The following SEC14L5 variants were observed in gnomAD, a reference collection of about 807,000 sequenced individuals.
SEC14L5 encodes SEC14 like lipid binding 5, also known as SEC14-like protein 5.
A neutral mutation model predicts 84.6 loss-of-function variants in SEC14L5; 96 were observed. The ratio of observed to expected loss-of-function variants is 1.13; its 90% CI spans 0.96 to 1.34. The LOEUF is 1.34. Ranked by LOEUF, SEC14L5 falls within the 40% of genes most tolerant of loss-of-function variation. The pLI is 0.00. For missense variants in SEC14L5, 1,224 were observed against 942.5 expected (o/e 1.30, Z -3.91); for synonymous variants, 546 against 383.4 (o/e 1.42, Z -4.95).
chr16:5,001,032 A>T, intron 10 of SEC14L5, 107 bp downstream of exon 10: 1 of 857,412 alleles, frequency 1.2e-6, no homozygotes, highest in Non-Finnish European at 1.9e-6. Flanking sequence ...CAGGGGCTTC[A>T]TTCTCCCCCA....
intron 2 of SEC14L5, among the ~76,000 whole-genome samples, chr16:4,961,057 GT>G (rs1164783058): frequency 6.6e-6 from 1 of 152,114 alleles, no homozygotes; most frequent in Non-Finnish European, 1.5e-5. Context: ...GGATCACAAG[GT>G]CAGGAGATCA....
At position 4,996,933 on chromosome 16, in the gene SEC14L5, C is replaced by G; in HGVS notation, c.859C>G (p.Gln287Glu). The G allele has an allele frequency of 6.2e-7, 1 of 1,613,724 alleles. No homozygotes were observed. The highest frequency in any genetic ancestry group is 8.5e-7 in the Non-Finnish European group (1 of 1,179,762). Residue 287 changes from glutamine (Q) to glutamate (E), a missense_variant, in exon 8 of 16, where the codon CAG becomes GAG. Physicochemically the swap from Gln to Glu is conservative, Grantham distance 29. Transcript: ENST00000251170. ...GGACAAGGCCCGGGAAATGCTGCGC[C>G]AGTCCTTGAGCTGGCGCAAGCAGCA... ...HLDKAREMLR[Q>E]SLSWRKQHQV...
chr16:5,005,556 A>G (rs1955720963), intron 11 of SEC14L5, among the ~76,000 whole-genome samples: 1 of 148,568 alleles, frequency 6.7e-6, no homozygotes, highest in South Asian at 2.4e-4. Flanking sequence ...TATAAATTAT[A>G]TCTCAATAAA....
intron 2 of SEC14L5, among the ~76,000 whole-genome samples, chr16:4,964,205 G>T (rs1568100473): frequency 1.3e-5 from 2 of 152,146 alleles, no homozygotes; most frequent in Non-Finnish European, 1.5e-5. Flanking sequence ...AAGGCCATGT[G>T]GCTCAGGTCG....
chr16:4,982,909 A>G (rs2908645), intron 2 of SEC14L5, among the ~76,000 whole-genome samples: 78,364 of 151,938 alleles, frequency 0.52, 20,499 homozygotes, highest in East Asian at 0.73. Context: ...GAAGCACATT[A>G]CTGAATATTT....
intron 14 of SEC14L5, among the ~76,000 whole-genome samples, chr16:5,010,188 CAAAAAAAAAAAAAAA>C (rs59942135): frequency 9.2e-5 from 4 of 43,646 alleles, no homozygotes; most frequent in African/African-American, 2.6e-4. Context: ...ACTAAAAATA[CAAAAAAAAAAAAAAA>C]AAAAAAAAAA....
At position 4,996,364 on chromosome 16, in the gene SEC14L5, G is replaced by T; in HGVS notation, c.684G>T (p.Ala228=). ...AVSMDGDKLD[A]DYIERCLGHL... ...TCCTCCAAGGGGACAAGCTGGATGC[G>T]GACTACATTGAGAGGTGCCTGGGCC... The change falls in exon 7 of 16, where the codon GCG becomes GCT. Residue 228 remains alanine (A), a synonymous_variant. Coordinates refer to ENST00000251170, the MANE Select transcript of SEC14L5 (RefSeq NM_014692.2). 1 of 1,559,066 alleles carries T rather than the reference G, an allele frequency of 6.4e-7. No individual in the cohort carries two copies.
At chr16:4,991,231 C>T (rs994513405) in intron 5 of SEC14L5, among the ~76,000 whole-genome samples, 2 of 147,084 alleles carry the variant, frequency 1.4e-5, no homozygotes, top group African/African-American at 2.5e-5. Flanking sequence ...CAGATCCATC[C>T]CTGAGTAAAA....
At chr16:4,988,642 G>T (rs1341606100) in intron 4 of SEC14L5, among the ~76,000 whole-genome samples, 1 of 151,922 alleles carries the variant, frequency 6.6e-6, no homozygotes, top group Non-Finnish European at 1.5e-5. Context: ...TTATGCCTCA[G>T]TTTCCTCACG....
intron 2 of SEC14L5, among the ~76,000 whole-genome samples, chr16:4,963,732 C>T (rs1034310777): frequency 3.9e-5 from 6 of 152,224 alleles, no homozygotes; most frequent in Non-Finnish European, 5.9e-5. Context: ...TGGCTCACTG[C>T]AGCCTTGAAC....
intron 2 of SEC14L5, among the ~76,000 whole-genome samples, chr16:4,974,683 T>C (rs1340311245): frequency 6.6e-6 from 1 of 152,146 alleles, no homozygotes; most frequent in African/African-American, 2.4e-5. Context: ...CAGTGTACAC[T>C]GTACCCAATG....
At chr16:5,003,720 C>A (rs1225801361) in intron 11 of SEC14L5, 147 bp downstream of exon 11, 1 of 606,694 alleles carries the variant, frequency 1.6e-6, no homozygotes. Context: ...AAAGCTCACA[C>A]TTTTTAAGTA....
chr16:5,011,583 C>T (rs575696908), intron 15 of SEC14L5, among the ~76,000 whole-genome samples: 1 of 152,264 alleles, frequency 6.6e-6, no homozygotes, highest in Non-Finnish European at 1.5e-5. Flanking sequence ...GTGGGCTTCC[C>T]CTCACTCCTA....
Position 5,015,221 on chromosome 16 carries a change from A to T in SEC14L5, c.*251A>T. On this transcript the variant is annotated 3_prime_UTR_variant, in exon 16 of 16. Transcript: ENST00000251170. The stretch of plus-strand genomic sequence containing the variant: ...GTGTAAGGAAGACCAAGCCAAGGCC[A>T]AGGTGTCTACCATACCACACCTTTG... 1.9e-6 allele frequency: 1 copy of T among 521,986 alleles called. No homozygotes were observed. The highest frequency in any genetic ancestry group is 3.4e-6 in the Non-Finnish European group (1 of 293,000). The allele number at this position is 521,986 out of a possible 1,614,324, so 32.3% of individuals were successfully genotyped here.
In SEC14L5 at chr16:5,008,458, C is replaced by G. The variant is rs1368865675; in HGVS notation, c.1610C>G (p.Thr537Ser). The part of the protein sequence containing the change: ...VEILEGESVI[T>S]WDFDILRGDV... Reference sequence around the variant, plus strand: ...ATCCTGGAAGGAGAGTCGGTCATCACCTGGGACTTTGACATCCTGCGAGGG... The same window carrying G: ...ATCCTGGAAGGAGAGTCGGTCATCAGCTGGGACTTTGACATCCTGCGAGGG... Residue 537 changes from threonine (T) to serine (S), a missense_variant, in exon 14 of 16, where the codon ACC (threonine) becomes AGC (serine). Physicochemically the swap from Thr to Ser is moderately conservative, Grantham distance 58. Transcript: ENST00000251170. 1.2e-6 allele frequency: 2 copies of G among 1,613,460 alleles called. No individual in the cohort carries two copies. The highest frequency in any genetic ancestry group is 2.2e-5 in the East Asian group (1 of 44,872).
At chr16:4,958,480 C>CCCGTAAAA in intron 1 of SEC14L5, 35 bp downstream of exon 1, 1 of 152,710 alleles carries the variant, frequency 6.5e-6, no homozygotes, top group East Asian at 1.9e-4. Context: ...CGCGGGTAAG[C>CCCGTAAAA]GCTCAGCTCC....
At chr16:4,965,670 A>C (rs1035340411) in intron 2 of SEC14L5, among the ~76,000 whole-genome samples, 3 of 149,086 alleles carry the variant, frequency 2.0e-5, no homozygotes, top group Non-Finnish European at 4.4e-5. Context: ...CAAAAAAAAA[A>C]AAAAAAAAAA....
intron 8 of SEC14L5, among the ~76,000 whole-genome samples, chr16:4,997,512 G>A (rs1039435718): frequency 2.0e-5 from 3 of 152,210 alleles, no homozygotes; most frequent in African/African-American, 4.8e-5. Flanking sequence ...AAGAACCAGA[G>A]CTGGAAGGCT....
intron 5 of SEC14L5, among the ~76,000 whole-genome samples, chr16:4,991,327 G>A (rs146534712): frequency 2.0e-5 from 3 of 151,888 alleles, no homozygotes; most frequent in Admixed American, 1.3e-4. Flanking sequence ...TTAATTCTCC[G>A]AGGTTGGAGG....
Sources: gnomAD v4.1 joint callset for allele counts (sites outside exome capture counted in the v4.1 genomes callset) on GRCh38, gnomAD v4.1.1 for gene constraint, MANE v1.5 for transcripts, NCBI Gene and HGNC (gene_info 2026-07-23, HGNC 2026-07-21) for gene names.